The following ERC1 variants were observed in gnomAD, a reference collection of about 807,000 sequenced individuals.
ERC1 encodes the protein RAB6 interacting protein 2.
A neutral mutation model predicts 132.0 loss-of-function variants in ERC1; 56 were observed. That is an observed-to-expected ratio of 0.42 (90% CI 0.34 to 0.53). The LOEUF (loss-of-function observed/expected upper bound fraction) is 0.53, where lower values mean the gene tolerates loss of function less well. ERC1 is among the 20% of genes least tolerant of loss of function. The pLI is 0.03. For missense variants in ERC1, 1,202 were observed against 1,349.9 expected, an observed-to-expected ratio of 0.89 and a Z score of 1.72; for synonymous variants, 478 against 476.1, an observed-to-expected ratio of 1.00 and a Z score of -0.05.
chr12:1,343,041 C>A (rs2084075572), intron 15 of ERC1, among the ~76,000 whole-genome samples: 1 of 152,196 alleles, frequency 6.6e-6, no homozygotes. Context: ...CTCCTTCCAG[C>A]CCCTAAACTA....
intron 14 of ERC1, among the ~76,000 whole-genome samples, chr12:1,269,669 G>A (rs1490777351): frequency 6.6e-6 from 1 of 152,174 alleles, no homozygotes; most frequent in Non-Finnish European, 1.5e-5. Flanking sequence ...AGCCTAGGCT[G>A]GATGTCTTCT....
intron 7 of ERC1, among the ~76,000 whole-genome samples, chr12:1,120,697 A>G (rs1946983321): frequency 6.6e-6 from 1 of 152,206 alleles, no homozygotes; most frequent in Non-Finnish European, 1.5e-5. Context: ...TACTGCTTCA[A>G]AGTAGTACAG....
chr12:1,097,571 T>G (rs1332870971), intron 3 of ERC1, among the ~76,000 whole-genome samples: 1 of 152,178 alleles, frequency 6.6e-6, no homozygotes, highest in African/African-American at 2.4e-5. Context: ...CTTTCTCCAG[T>G]AGCTCTTGAT....
intron 14 of ERC1, among the ~76,000 whole-genome samples, chr12:1,271,226 G>T (rs536683500): frequency 6.6e-6 from 1 of 152,170 alleles, no homozygotes; most frequent in African/African-American, 2.4e-5. Flanking sequence ...TGTGTAGAGA[G>T]ACTTTTGGTC....
intron 12 of ERC1, among the ~76,000 whole-genome samples, chr12:1,205,636 G>A (rs569484440): frequency 3.7e-4 from 57 of 152,076 alleles, no homozygotes; most frequent in Non-Finnish European, 1.9e-4. Context: ...CACAAATACT[G>A]CATTTAAAAA....
At chr12:1,242,805 T>C (rs1428141154) in intron 13 of ERC1, among the ~76,000 whole-genome samples, 3 of 152,110 alleles carry the variant, frequency 2.0e-5, no homozygotes, top group Non-Finnish European at 4.4e-5. Context: ...AAAACACCAA[T>C]AAAACAGAAT....
chr12:1,475,768 G>A (rs968917376), intron 18 of ERC1, among the ~76,000 whole-genome samples: 5 of 152,174 alleles, frequency 3.3e-5, no homozygotes, highest in Non-Finnish European at 7.3e-5. Flanking sequence ...GGTTGAAGTA[G>A]TTATGAAGCT....
intron 2 of ERC1, among the ~76,000 whole-genome samples, chr12:1,050,997 C>G (rs1237070982): frequency 1.3e-5 from 2 of 150,954 alleles, no homozygotes; most frequent in South Asian, 4.2e-4. Flanking sequence ...GAGTGAGACT[C>G]AGTCTCAAAA....
At chr12:1,445,002 T>A in intron 18 of ERC1, 1 of 377,622 alleles carries the variant, frequency 2.6e-6, no homozygotes, top group Non-Finnish European at 4.7e-6. Context: ...TTAATTGATT[T>A]TTTACTGTTT....
At chr12:1,024,210 A>C (rs1243860441) in intron 1 of ERC1, among the ~76,000 whole-genome samples, 1 of 152,056 alleles carries the variant, frequency 6.6e-6, no homozygotes, top group Non-Finnish European at 1.5e-5. Context: ...GTGAAACCCC[A>C]CCTCTACCAA....
chr12:1,139,601 G>C (rs1283640993), intron 7 of ERC1, among the ~76,000 whole-genome samples: 1 of 152,118 alleles, frequency 6.6e-6, no homozygotes. Context: ...TCGACGACAA[G>C]GGGGGATTAC....
intron 13 of ERC1, among the ~76,000 whole-genome samples, chr12:1,256,956 C>T (rs1230487666): frequency 6.6e-6 from 1 of 150,668 alleles, no homozygotes; most frequent in Non-Finnish European, 1.5e-5. Context: ...AATACCCATC[C>T]TTCAGTTTGA....
chr12:1,407,866 C>T (rs1183998708), intron 16 of ERC1, among the ~76,000 whole-genome samples: 1 of 152,052 alleles, frequency 6.6e-6, no homozygotes, highest in Non-Finnish European at 1.5e-5. Flanking sequence ...AGGCCCCACC[C>T]TTATGACTTC....
intron 11 of ERC1, among the ~76,000 whole-genome samples, chr12:1,189,547 G>T (rs1378211816): frequency 1.1e-4 from 16 of 152,224 alleles, no homozygotes; most frequent in Non-Finnish European, 2.4e-4. Flanking sequence ...AATAACAACA[G>T]TTCAATGACT....
chr12:997,427 A>G (rs1307834787), intron 1 of ERC1, among the ~76,000 whole-genome samples: 1 of 152,254 alleles, frequency 6.6e-6, no homozygotes, highest in African/African-American at 2.4e-5. Context: ...AATGGATGCT[A>G]GCATAATAAT....
chr12:1,424,856 AGATAGATC>A (rs142801785), intron 17 of ERC1, among the ~76,000 whole-genome samples: 1,483 of 112,336 alleles, frequency 0.013, 21 homozygotes, highest in Middle Eastern at 0.028. Context: ...ATAGATAGAT[AGATAGATC>A]GATAGATAGA....
chr12:1,293,026 C>G (rs2079568489), intron 15 of ERC1, among the ~76,000 whole-genome samples: 1 of 151,646 alleles, frequency 6.6e-6, no homozygotes, highest in Non-Finnish European at 1.5e-5. Flanking sequence ...ACACTGTAAT[C>G]CCAGCTACTC....
At chr12:1,388,573 G>A (rs909004066) in intron 16 of ERC1, among the ~76,000 whole-genome samples, 2 of 152,126 alleles carry the variant, frequency 1.3e-5, no homozygotes, top group Non-Finnish European at 2.9e-5. Flanking sequence ...AATGCTGAGA[G>A]TAGCTTGGAC....
intron 8 of ERC1, among the ~76,000 whole-genome samples, chr12:1,180,293 GTGTGCGCGCGCGCATACACA>G (rs1315493696): frequency 7.9e-6 from 1 of 127,246 alleles, no homozygotes; most frequent in Admixed American, 7.1e-5. Flanking sequence ...GCGCGCACGC[GTGTGCGCGCGCGCATACACA>G]TGTGTACTTT....
Sources: gnomAD v4.1 joint callset for allele counts (sites outside exome capture counted in the v4.1 genomes callset) on GRCh38, gnomAD v4.1.1 for gene constraint, MANE v1.5 for transcripts, NCBI Gene and HGNC (gene_info 2026-07-23, HGNC 2026-07-21) for gene names.